Variants in CYFIP1 observed in about 807,000 individuals in gnomAD.
CYFIP1 encodes the protein cytoplasmic FMR1 interacting protein 1.
A neutral mutation model predicts 163.5 loss-of-function variants in CYFIP1; 58 were observed. That is an observed-to-expected ratio of 0.35 (90% CI 0.29 to 0.44). The LOEUF (loss-of-function observed/expected upper bound fraction) is 0.44. CYFIP1 is among the 20% of genes least tolerant of loss of function. The probability of loss-of-function intolerance (pLI) is 1.00; values close to 1 mark genes in which losing one functional copy is unlikely to be tolerated. For synonymous variants in CYFIP1, 663 were observed against 660.7 expected (o/e 1.00, Z -0.05); for missense variants, 1,338 against 1,653.8 (o/e 0.81, Z 3.31).
chr15:22,939,533 C>T, intron 6 of CYFIP1, 26 bp from the exon 7 acceptor site: 1 of 1,036,788 alleles, frequency 9.6e-7, no homozygotes. Flanking sequence ...GAATTCATCC[C>T]AAAATGCACC....
chr15:22,937,003 C>T (rs1262005337), intron 9 of CYFIP1, 101 bp downstream of exon 9: 4 of 781,096 alleles, frequency 5.1e-6, no homozygotes, highest in East Asian at 2.6e-5. Flanking sequence ...CCAGCCCCAG[C>T]GTTTCCTGAT....
chr15:22,915,194 G>A (rs62011571), intron 16 of CYFIP1: 26,206 of 228,380 alleles, frequency 0.11, 1,921 homozygotes, highest in East Asian at 0.23. Context: ...TGAGTGGCGC[G>A]ATCATAGCTT....
intron 6 of CYFIP1, among the ~76,000 whole-genome samples, chr15:22,941,512 G>A (rs913967422): frequency 5.3e-5 from 8 of 152,106 alleles, no homozygotes; most frequent in African/African-American, 1.4e-4. Context: ...TATACTAGTA[G>A]CCACGAGCAG....
chr15:22,916,709 A>G lies in CYFIP1; in HGVS notation c.1675-79T>C, dbSNP rs769519282. 20 of 1,614,090 alleles carry G rather than the reference A, an allele frequency of 1.2e-5. No homozygotes were observed. The South Asian group carries it at 2.1e-4, about 17-fold the overall frequency. ...TTATGCCAAACTCAAAAAGCCCATGAGAGAAGGACTGCTCCGCTACGCCCT... is the reference window on the plus strand; with the variant it reads ...TTATGCCAAACTCAAAAAGCCCATGGGAGAAGGACTGCTCCGCTACGCCCT... On this transcript the variant is annotated intron_variant, in intron 15 of 30. Transcript: ENST00000617928.
intron 30 of CYFIP1, 95 bp downstream of exon 30, chr15:22,872,730 G>A (rs1000729697): frequency 7.5e-7 from 1 of 1,324,682 alleles, no homozygotes; most frequent in Non-Finnish European, 1.1e-6. Context: ...TACGTACTAG[G>A]ATGAAAAACA....
chr15:22,939,230 T>A lies in CYFIP1; in HGVS notation c.757A>T (p.Met253Leu). ...NLCVDYYENRMYLTPSEKHML... is the reference protein window; with the variant it reads ...NLCVDYYENRLYLTPSEKHML... ...TGTTTCTCACTGGGCGTCAAATACA[T>A]CCTGTTCTCGTAGTAATCCACACAC... Residue 253 changes from methionine (M) to leucine (L), a missense_variant, in exon 8 of 31, where the codon ATG becomes TTG. Met to Leu is a conservative substitution (Grantham distance 15). Transcript: ENST00000617928. The A allele has an allele frequency of 6.2e-7, 1 of 1,614,200 alleles. No homozygotes were observed. Among genetic ancestry groups the A allele is most frequent in the Non-Finnish European group, 8.5e-7 (1 of 1,180,028 alleles).
chr15:22,880,961 G>A (rs988661462), intron 25 of CYFIP1, among the ~76,000 whole-genome samples: 3 of 152,144 alleles, frequency 2.0e-5, no homozygotes, highest in Non-Finnish European at 4.4e-5. Flanking sequence ...CACGACATAA[G>A]CATTGGTTTT....
rs2060483250 is a variant in CYFIP1, at chr15:22,903,856, C to T, written c.2438G>A (p.Ser813Asn). Reference protein sequence around the residue: ...EINRMTHKLLSRYLTLDGFDA... With the variant: ...EINRMTHKLLNRYLTLDGFDA... The stretch of plus-strand genomic sequence containing the variant: ...GAAGCCGTCCAGCGTCAGGTACCGG[C>T]TCAGCAGCTTGTGGGTCATGCGGTT... The change falls in exon 22 of 31, where the codon AGC becomes AAC. Residue 813 changes from serine (S) to asparagine (N), a missense_variant. Ser to Asn is a conservative substitution (Grantham distance 46). Coordinates refer to ENST00000617928, the MANE Select transcript of CYFIP1 (RefSeq NM_014608.6). 1.9e-6 allele frequency: 3 copies of T among 1,614,060 alleles called. No homozygotes were observed. Among genetic ancestry groups the T allele is most frequent in the Admixed American group, 1.7e-5 (1 of 60,008 alleles).
intron 1 of CYFIP1, among the ~76,000 whole-genome samples, chr15:22,957,786 C>T (rs539583509): frequency 3.3e-5 from 5 of 152,316 alleles, no homozygotes; most frequent in Admixed American, 3.3e-4. Flanking sequence ...GATGGCACTT[C>T]CCAGAAAAGT....
chr15:22,964,751 G>A (rs566154804), intron 1 of CYFIP1, among the ~76,000 whole-genome samples: 1 of 152,298 alleles, frequency 6.6e-6, no homozygotes, highest in African/African-American at 2.4e-5. Flanking sequence ...CGGCGAAATT[G>A]AGGGCCAGAG....
intron 20 of CYFIP1, among the ~76,000 whole-genome samples, chr15:22,909,723 A>C (rs778110714): frequency 6.6e-6 from 1 of 151,954 alleles, no homozygotes; most frequent in African/African-American, 2.4e-5. Context: ...TTTAATTTTT[A>C]ATTTTTTTTC....
intron 3 of CYFIP1, among the ~76,000 whole-genome samples, chr15:22,945,501 A>C (rs907156860): frequency 9.2e-5 from 14 of 152,158 alleles, no homozygotes; most frequent in African/African-American, 3.4e-4. Flanking sequence ...TCCACTCTTT[A>C]ACATCGTTTC....
intron 17 of CYFIP1, among the ~76,000 whole-genome samples, chr15:22,914,286 C>T (rs778496710): frequency 1.3e-5 from 2 of 152,132 alleles, no homozygotes; most frequent in Non-Finnish European, 2.9e-5. Flanking sequence ...GCTGAGTCCC[C>T]GGGTCCCAGC....
chr15:22,978,726 C>T (rs1195692903), intron 1 of CYFIP1, among the ~76,000 whole-genome samples: 1 of 152,118 alleles, frequency 6.6e-6, no homozygotes, highest in African/African-American at 2.4e-5. Context: ...ACTTTTCAGA[C>T]CCTTGTATCT....
chr15:22,923,352 A>C (rs923938958), intron 13 of CYFIP1, among the ~76,000 whole-genome samples: 1 of 152,216 alleles, frequency 6.6e-6, no homozygotes, highest in Admixed American at 6.5e-5. Flanking sequence ...CAACAAGCAC[A>C]TAAGAAGACG....
At position 22,869,758 on chromosome 15, in the gene CYFIP1, A is replaced by G. The variant is rs2059369859; in HGVS notation, c.*270T>C. 3.4e-6 allele frequency: 1 copy of G among 295,202 alleles called. No individual in the cohort carries two copies. The highest frequency in any genetic ancestry group is 1.1e-4 in the South Asian group (1 of 9,508). 18.3% of individuals were successfully genotyped at this position (295,202 alleles called of 1,614,324 possible). On this transcript the variant is annotated 3_prime_UTR_variant, in exon 31 of 31. Transcript: ENST00000617928. ...TGAACCCAGCAGCATTTTATGACAC[A>G]GCTGCCAGAACATCCCATAGAAAAA...
chr15:22,870,253 T>A, intron 30 of CYFIP1, 61 bp from the exon 31 acceptor site: 1 of 1,505,648 alleles, frequency 6.6e-7, no homozygotes, highest in Non-Finnish European at 9.0e-7. Context: ...TCTTCATGTT[T>A]CAAAATGTCA....
rs1171855019 is a variant in CYFIP1, at chr15:22,914,811, T to C, written c.1900A>G (p.Arg634Gly). ...ATCTCAATGGGGAACTGGATCCTCC[T>C]GCCCATGGTCAGCTCCAGGAAGAAC... ...REFFLELTMG[R>G]RIQFPIEMSM... The change falls in exon 17 of 31, where the codon AGG becomes GGG. Residue 634 changes from arginine to glycine, a missense_variant. Physicochemically the swap from Arg to Gly is moderately radical, Grantham distance 125. Around this residue, in one of 4 missense-constraint regions of CYFIP1, gnomAD observed 824 missense variants for 995.7 expected, o/e 0.83. Coordinates refer to ENST00000617928, the MANE Select transcript of CYFIP1 (RefSeq NM_014608.6). 1 of 1,613,944 alleles carries C rather than the reference T, an allele frequency of 6.2e-7. No homozygotes were observed. Among genetic ancestry groups the C allele is most frequent in the Admixed American group, 1.7e-5 (1 of 60,004 alleles).
intron 12 of CYFIP1, among the ~76,000 whole-genome samples, chr15:22,927,355 G>A (rs900432165): frequency 2.6e-5 from 4 of 151,766 alleles, no homozygotes; most frequent in Non-Finnish European, 5.9e-5. Flanking sequence ...GGTGGTGGGC[G>A]CCTGTAATCC....
Sources: gnomAD v4.1 joint callset for allele counts (sites outside exome capture counted in the v4.1 genomes callset) on GRCh38, gnomAD v4.1.1 for gene constraint, gnomAD v4.1.1 regional missense constraint, MANE v1.5 for transcripts, NCBI Gene and HGNC (gene_info 2026-07-23, HGNC 2026-07-21) for gene names.